Variants in MRPL10 observed in about 807,000 individuals in gnomAD.
The protein encoded by MRPL10 is large ribosomal subunit protein uL10m.
In MRPL10, 14 loss-of-function variants were observed where a neutral mutation model predicts 19.8. The observed-to-expected ratio is 0.71, with a 90% CI of 0.47 to 1.11. The LOEUF is 1.11. Ranked by LOEUF, MRPL10 falls within the 50% of genes least tolerant of loss-of-function variation. The pLI, the probability that MRPL10 is intolerant of heterozygous loss-of-function variation, is 0.00. For missense variants in MRPL10, 318 were observed against 339.6 expected (o/e 0.94, Z 0.50); for synonymous variants, 129 against 139.2 (o/e 0.93, Z 0.52).
rs558417910 is a variant in MRPL10, at chr17:47,825,243, C to T, written c.533-785G>A. Reference sequence around the variant, plus strand: ...ACTTGGGAGGCTGAGGCAAGAGAATCGCTTAAACCTGGGAGGCGGAGGTTG... The same window carrying T: ...ACTTGGGAGGCTGAGGCAAGAGAATTGCTTAAACCTGGGAGGCGGAGGTTG... On this transcript the variant is annotated intron_variant, in intron 4 of 4. Coordinates refer to ENST00000351111, the MANE Select transcript of MRPL10 (RefSeq NM_145255.4). Among the ~76,000 whole-genome samples the T allele has an allele frequency of 2.5e-4, 38 of 152,062 alleles. No individual in the cohort carries two copies. The East Asian group carries it at 7.3e-3, about 29-fold the overall frequency.
intron 1 of MRPL10, among the ~76,000 whole-genome samples, chr17:47,830,907 A>G (rs891958589): frequency 2.0e-5 from 3 of 152,220 alleles, no homozygotes; most frequent in African/African-American, 7.2e-5. Flanking sequence ...GGAGATGCGA[A>G]TGTCTTTCTC....
intron 4 of MRPL10, 68 bp downstream of exon 4, chr17:47,826,569 G>A (rs2033535788): frequency 1.3e-6 from 2 of 1,587,258 alleles, no homozygotes; most frequent in Admixed American, 3.5e-5. Context: ...GTTTTACCAA[G>A]ACAAGCCTAG....
chr17:47,826,170 C>T (rs1816209418), intron 4 of MRPL10, among the ~76,000 whole-genome samples: 1 of 129,062 alleles, frequency 7.7e-6, no homozygotes, highest in Non-Finnish European at 1.7e-5. Context: ...AAAAAAAAAT[C>T]AGATTCCTGT....
At chr17:47,830,543 T>C (rs2033612050) in intron 1 of MRPL10, among the ~76,000 whole-genome samples, 1 of 152,044 alleles carries the variant, frequency 6.6e-6, no homozygotes, top group Non-Finnish European at 1.5e-5. Flanking sequence ...TCTCGCTCTG[T>C]TGCCCAGGCT....
At chr17:47,825,887 C>T (rs1309345848) in intron 4 of MRPL10, among the ~76,000 whole-genome samples, 1 of 151,848 alleles carries the variant, frequency 6.6e-6, no homozygotes, top group Non-Finnish European at 1.5e-5. Context: ...TGCCTGTAAC[C>T]CCAGCACTTT....
intron 1 of MRPL10, chr17:47,829,748 G>C (rs775985981): frequency 6.6e-6 from 1 of 152,240 alleles, no homozygotes; most frequent in Non-Finnish European, 1.5e-5. Context: ...AATTAGCCAG[G>C]CGTGGTGGCA....
At chr17:47,831,282 C>T in intron 1 of MRPL10, 178 bp downstream of exon 1, 1 of 1,504,568 alleles carries the variant, frequency 6.6e-7, no homozygotes, top group Non-Finnish European at 8.8e-7. Context: ...TGGAGACAGA[C>T]AACATCTGGA....
intron 4 of MRPL10, 130 bp downstream of exon 4, chr17:47,826,507 T>G (rs537518100): frequency 1.7e-6 from 2 of 1,148,710 alleles, no homozygotes; most frequent in African/African-American, 3.1e-5. Context: ...ATAAATGTGC[T>G]GTTTACTCAG....
chr17:47,831,492 C>T lies in MRPL10; in HGVS notation c.20G>A (p.Gly7Glu). 3 of 1,549,886 alleles carry T rather than the reference C, an allele frequency of 1.9e-6. No individual in the cohort carries two copies. Among genetic ancestry groups the T allele is most frequent in the Non-Finnish European group, 2.6e-6 (3 of 1,146,728 alleles). The part of the protein sequence containing the change: MAAAVA[G>E]MLRGGLLPQA... Reference sequence around the variant, plus strand: ...GGGCAGGAGACCCCCTCGCAGCATCCCCGCCACGGCCGCAGCCATCTCCAC... The same window carrying T: ...GGGCAGGAGACCCCCTCGCAGCATCTCCGCCACGGCCGCAGCCATCTCCAC... Residue 7 changes from glycine to glutamate, a missense_variant, in exon 1 of 5, where the codon GGG (glycine) becomes GAG (glutamate). Gly to Glu is a moderately conservative substitution (Grantham distance 98). Coordinates refer to ENST00000351111, the MANE Select transcript of MRPL10 (RefSeq NM_145255.4).
intron 1 of MRPL10, among the ~76,000 whole-genome samples, chr17:47,830,050 G>A (rs746242684): frequency 8.5e-5 from 13 of 152,126 alleles, no homozygotes; most frequent in South Asian, 8.3e-4. Context: ...TTACCAAGAC[G>A]GGTCACAAAT....
intron 1 of MRPL10, among the ~76,000 whole-genome samples, chr17:47,830,248 A>C (rs2033606175): frequency 6.6e-6 from 1 of 152,198 alleles, no homozygotes; most frequent in Non-Finnish European, 1.5e-5. Context: ...GCTACAGAGC[A>C]CCCCACAGAA....
intron 4 of MRPL10, 57 bp from the exon 5 acceptor site, chr17:47,824,515 C>T (rs756137292): frequency 8.7e-5 from 131 of 1,499,202 alleles, no homozygotes; most frequent in Non-Finnish European, 1.1e-4. Flanking sequence ...TCTCTGAAAA[C>T]AATATTCTGA....
At chr17:47,830,245 A>AGT (rs2033606121) in intron 1 of MRPL10, among the ~76,000 whole-genome samples, 1 of 152,208 alleles carries the variant, frequency 6.6e-6, no homozygotes, top group Non-Finnish European at 1.5e-5. Context: ...AATGCTACAG[A>AGT]GCACCCCACA....
At chr17:47,827,259 C>T (rs567627368) in intron 2 of MRPL10, 55 bp from the exon 3 acceptor site, 20 of 1,523,898 alleles carry the variant, frequency 1.3e-5, no homozygotes, top group East Asian at 1.1e-4. Flanking sequence ...CTCCTGGCAA[C>T]GTTGCTCCCT....
intron 1 of MRPL10, among the ~76,000 whole-genome samples, chr17:47,830,508 G>T (rs1175169944): frequency 7.2e-6 from 1 of 138,904 alleles, no homozygotes; most frequent in East Asian, 1.9e-4. Flanking sequence ...AATTAAACTG[G>T]ATTTTTTTTT....
At chr17:47,826,329 A>G (rs568951855) in intron 4 of MRPL10, among the ~76,000 whole-genome samples, 1 of 151,982 alleles carries the variant, frequency 6.6e-6, no homozygotes, top group African/African-American at 2.4e-5. Context: ...ACTTGTATTA[A>G]ATATCTTCAT....
At chr17:47,826,951 T>G in intron 3 of MRPL10, 89 bp downstream of exon 3, 1 of 1,478,076 alleles carries the variant, frequency 6.8e-7, no homozygotes, top group East Asian at 2.3e-5. Flanking sequence ...GAGTAAGAAG[T>G]ATCATCACTG....
chr17:47,831,132 A>G (rs796815111), intron 1 of MRPL10, among the ~76,000 whole-genome samples: 5 of 152,354 alleles, frequency 3.3e-5, no homozygotes, highest in African/African-American at 1.2e-4. Context: ...GGAAACAAGC[A>G]ACTAAACAAA....
At position 47,826,964 on chromosome 17, in the gene MRPL10, G is replaced by A; in HGVS notation, c.387+76C>T. 2.7e-6 allele frequency: 4 copies of A among 1,502,910 alleles called. No individual in the cohort carries two copies. In the East Asian group the frequency reaches 9.0e-5, roughly 34 times the overall value. 93.1% of individuals were successfully genotyped at this position (1,502,910 alleles called of 1,614,324 possible). On this transcript the variant is annotated intron_variant, in intron 3 of 4. Transcript: ENST00000351111. The stretch of plus-strand genomic sequence containing the variant: ...AGGAGTAAGAAGTATCATCACTGGG[G>A]AGCAGATGGTGAGGTCTGAGTCTGG...
Sources: gnomAD v4.1 joint callset for allele counts (sites outside exome capture counted in the v4.1 genomes callset) on GRCh38, gnomAD v4.1.1 for gene constraint, MANE v1.5 for transcripts, NCBI Gene and HGNC (gene_info 2026-07-23, HGNC 2026-07-21) for gene names.